The following LAMB4 variants were observed in gnomAD, a reference collection of about 807,000 sequenced individuals.
The protein encoded by LAMB4 is laminin subunit beta 4.
LAMB4 carries 196 observed loss-of-function variants against 199.2 expected under a neutral mutation model. The observed-to-expected ratio is 0.98, with a 90% CI of 0.88 to 1.11. LAMB4 has a LOEUF of 1.11. Among genes scored for constraint, LAMB4 ranks in the 50% least tolerant of loss-of-function variants. LAMB4 has a pLI of 0.00. For synonymous variants in LAMB4, 744 were observed against 770.6 expected, an observed-to-expected ratio of 0.97 and a Z score of 0.57; for missense variants, 2,080 against 2,171.2, an observed-to-expected ratio of 0.96 and a Z score of 0.83.
chr7:108,063,276 G>A (rs975997698), intron 22 of LAMB4, among the ~76,000 whole-genome samples: 1 of 152,064 alleles, frequency 6.6e-6, no homozygotes, highest in African/African-American at 2.4e-5. Flanking sequence ...ACTCACCAAA[G>A]TTCCATTTAT....
In LAMB4 at chr7:108,066,505, C is replaced by A; in HGVS notation, c.2542G>T (p.Asp848Tyr). Residue 848 changes from aspartate to tyrosine, a missense_variant, in exon 20 of 34, where the codon GAT (aspartate) becomes TAT (tyrosine). Coordinates refer to ENST00000388781, the MANE Select transcript of LAMB4 (RefSeq NM_007356.3). ...CCAAAGTAGCCTGCCAGGCAGCGAT[C>A]ACAGCGGCGGCCAGACACCTCTCCA... ...CHGEVSGRRCDRCLAGYFGFP... is the reference protein window; with the variant it reads ...CHGEVSGRRCYRCLAGYFGFP... The A allele has an allele frequency of 1.2e-6, 2 of 1,614,154 alleles. No homozygotes were observed. Among genetic ancestry groups the A allele is most frequent in the Non-Finnish European group, 1.7e-6 (2 of 1,180,022 alleles).
intron 11 of LAMB4, 124 bp from the exon 12 acceptor site, chr7:108,095,461 T>C: frequency 1.5e-6 from 1 of 687,008 alleles, no homozygotes; most frequent in South Asian, 1.8e-5. Context: ...CCCTGCCAGG[T>C]TTATTGTGTG....
In LAMB4 at chr7:108,077,065, C is replaced by T; in HGVS notation, c.2004-1G>A. On this transcript the variant is annotated splice_acceptor_variant, in intron 16 of 33. Transcript: ENST00000388781. LOFTEE classifies it high-confidence loss of function. ...GATGGGTGTGGGAAGCAGCATGATT[C>T]TGTATTAAGAAAGATAAAGCAAAAA... is the stretch of plus-strand genomic sequence containing the variant. 2 of 1,613,062 alleles carry T rather than the reference C, an allele frequency of 1.2e-6. No individual in the cohort carries two copies. The highest frequency in any genetic ancestry group is 1.7e-6 in the Non-Finnish European group (2 of 1,179,556).
In LAMB4 at chr7:108,024,198, G is replaced by A. The variant is rs1462191390; in HGVS notation, c.5147-20C>T. 3 of 1,450,260 alleles carry A rather than the reference G, an allele frequency of 2.1e-6. 1 individual carries two copies. The Admixed American group carries it at 6.2e-5, about 30-fold the overall frequency. 89.8% of individuals were successfully genotyped at this position (1,450,260 alleles called of 1,614,324 possible). ...CTAAATCTGAAAGAAGAAAATGAAA[G>A]AAATGATATATTTCCATTTAATGGA... On this transcript the variant is annotated intron_variant, in intron 33 of 33. Transcript: ENST00000388781.
At chr7:108,028,472 A>ATTTT (rs1195925912) in intron 33 of LAMB4, among the ~76,000 whole-genome samples, 6 of 111,816 alleles carry the variant, frequency 5.4e-5, no homozygotes, top group Non-Finnish European at 9.2e-5. Context: ...AAAAAAGGGC[A>ATTTT]TTTTTTTTTT....
In LAMB4 at chr7:108,043,915, A is replaced by G. The variant is rs757080910; in HGVS notation, c.4327-19T>C. Reference sequence around the variant, plus strand: ...TTTCGATCTGGAATGAGAAAAACACAATGAAGAATACTCGACAATATACTC... The same window carrying G: ...TTTCGATCTGGAATGAGAAAAACACGATGAAGAATACTCGACAATATACTC... On this transcript the variant is annotated intron_variant, in intron 28 of 33. Transcript: ENST00000388781. 2 of 1,592,062 alleles carry G rather than the reference A, an allele frequency of 1.3e-6. No individual in the cohort carries two copies.
intron 25 of LAMB4, among the ~76,000 whole-genome samples, chr7:108,053,836 G>A (rs1343472790): frequency 6.6e-6 from 1 of 152,058 alleles, no homozygotes; most frequent in Non-Finnish European, 1.5e-5. Flanking sequence ...GTGGTCCATG[G>A]GCCAAAGCTC....
intron 14 of LAMB4, among the ~76,000 whole-genome samples, chr7:108,088,351 C>T (rs767366440): frequency 7.9e-5 from 12 of 152,176 alleles, no homozygotes; most frequent in Middle Eastern, 3.4e-3. Flanking sequence ...TTAGTAGAGA[C>T]GGGGTTTCGC....
chr7:108,085,171 T>C (rs1164990697), intron 14 of LAMB4, among the ~76,000 whole-genome samples: 1 of 152,214 alleles, frequency 6.6e-6, no homozygotes, highest in Non-Finnish European at 1.5e-5. Flanking sequence ...TACTCATCAA[T>C]ATGCTGAAGG....
intron 26 of LAMB4, among the ~76,000 whole-genome samples, chr7:108,050,470 T>A (rs2035791516): frequency 6.6e-6 from 1 of 152,230 alleles, no homozygotes; most frequent in Non-Finnish European, 1.5e-5. Context: ...TAAGCACTTC[T>A]CTACATTTTC....
intron 3 of LAMB4, among the ~76,000 whole-genome samples, chr7:108,112,546 G>A (rs1220238522): frequency 6.6e-6 from 1 of 152,144 alleles, no homozygotes; most frequent in Non-Finnish European, 1.5e-5. Context: ...GCCTGCCTTG[G>A]CCTCCGAAAG....
In LAMB4 at chr7:108,037,613, GT is replaced by G. The variant is rs1243003666; in HGVS notation, c.4472-19del. Reference sequence around the variant, plus strand: ...GTTTTCCTCTTAAATAAGAAGCAGGGTTTTAGGTAATCATGTCTCCTTAACA... The same window carrying G: ...GTTTTCCTCTTAAATAAGAAGCAGGGTTTAGGTAATCATGTCTCCTTAACA... On this transcript the variant is annotated intron_variant, in intron 29 of 33. Coordinates refer to ENST00000388781, the MANE Select transcript of LAMB4 (RefSeq NM_007356.3). 7 of 1,591,326 alleles carry G rather than the reference GT, an allele frequency of 4.4e-6. No homozygotes were observed. The highest frequency in any genetic ancestry group is 6.0e-6 in the Non-Finnish European group (7 of 1,159,958).
intron 3 of LAMB4, among the ~76,000 whole-genome samples, chr7:108,113,651 G>T (rs574423585): frequency 1.3e-5 from 2 of 152,276 alleles, no homozygotes; most frequent in Admixed American, 6.5e-5. Context: ...TTGAGAAAAT[G>T]TTTAACTTCA....
the LAMB4 span, among the ~76,000 whole-genome samples, chr7:108,013,380 C>T: frequency 1.3e-5 from 2 of 152,152 alleles, no homozygotes; most frequent in Admixed American, 1.3e-4. Context: ...TGTTAAAGAG[C>T]ATATCACATG....
intron 14 of LAMB4, among the ~76,000 whole-genome samples, chr7:108,081,251 T>C (rs2036926529): frequency 6.6e-6 from 1 of 152,208 alleles, no homozygotes; most frequent in South Asian, 2.1e-4. Context: ...CAGTTGACCC[T>C]TGCTCTGGAG....
intron 17 of LAMB4, 24 bp downstream of exon 17, chr7:108,076,920 C>T (rs764921652): frequency 6.2e-7 from 1 of 1,612,220 alleles, no homozygotes; most frequent in Non-Finnish European, 8.5e-7. Flanking sequence ...GAAGAAAGCA[C>T]CCACAAAACT....
chr7:108,014,471 T>C, the LAMB4 span, among the ~76,000 whole-genome samples: 4 of 152,226 alleles, frequency 2.6e-5, no homozygotes, highest in Admixed American at 1.3e-4. Flanking sequence ...TGTTTTTTTT[T>C]CCTTACAGAG....
At chr7:108,126,309 C>T (rs903118588) in intron 1 of LAMB4, among the ~76,000 whole-genome samples, 1 of 152,108 alleles carries the variant, frequency 6.6e-6, no homozygotes, top group Non-Finnish European at 1.5e-5. Context: ...TTGTGTGCAA[C>T]CGATCTCCAG....
In LAMB4 at chr7:108,023,917, G is replaced by T; in HGVS notation, c.*122C>A. ...CCACACTGAGCAGGTGTCTAATAAG[G>T]ACAGGGTGTGGGGAAGGAAGGTAGA... On this transcript the variant is annotated 3_prime_UTR_variant, in exon 34 of 34. Coordinates refer to ENST00000388781, the MANE Select transcript of LAMB4 (RefSeq NM_007356.3). 1 of 741,806 alleles carries T rather than the reference G, an allele frequency of 1.3e-6. No homozygotes were observed. The highest frequency in any genetic ancestry group is 2.0e-6 in the Non-Finnish European group (1 of 491,222). 46.0% of individuals were successfully genotyped at this position (741,806 alleles called of 1,614,324 possible).
Sources: gnomAD v4.1 joint callset for allele counts (sites outside exome capture counted in the v4.1 genomes callset) on GRCh38, gnomAD v4.1.1 for gene constraint, MANE v1.5 for transcripts, NCBI Gene and HGNC (gene_info 2026-07-23, HGNC 2026-07-21) for gene names.